ETS1: variants seen among roughly 807,000 people sequenced by gnomAD.
ETS1 encodes the protein protein C-ets-1.
In ETS1, 15 loss-of-function variants were observed where a neutral mutation model predicts 58.6. The ratio of observed to expected loss-of-function variants is 0.26; its 90% CI spans 0.17 to 0.39. The LOEUF (loss-of-function observed/expected upper bound fraction) is 0.39. Ranked by LOEUF, ETS1 falls within the 10% of genes least tolerant of loss-of-function variation. The probability of loss-of-function intolerance (pLI) is 1.00; values close to 1 mark genes in which losing one functional copy is unlikely to be tolerated. For missense variants in ETS1, 417 were observed against 610.5 expected, an observed-to-expected ratio of 0.68 and a Z score of 3.34; for synonymous variants, 214 against 218.2, an observed-to-expected ratio of 0.98 and a Z score of 0.17.
intron 3 of ETS1, among the ~76,000 whole-genome samples, chr11:128,535,961 G>A (rs1863966980): frequency 6.6e-6 from 1 of 152,134 alleles, no homozygotes; most frequent in South Asian, 2.1e-4. Flanking sequence ...CTTTGTTCTG[G>A]CAAGGTTCCT....
intron 2 of ETS1, among the ~76,000 whole-genome samples, chr11:128,570,238 CTTTT>C (rs200310590): frequency 7.4e-6 from 1 of 135,484 alleles, no homozygotes; most frequent in African/African-American, 2.7e-5. Context: ...TTTTCTTTTC[CTTTT>C]TTTTTTTTTT....
At position 128,569,535 on chromosome 11, in the gene ETS1, G is replaced by A. The variant is rs7948488; in HGVS notation, c.69+3527C>T. On this transcript the variant is annotated intron_variant, in intron 2 of 9. Coordinates refer to ENST00000392668, the MANE Select transcript of ETS1 (RefSeq NM_001143820.2). ...ATGCTTACCCCTCCAGGGTATCTTA[G>A]ATTGCAACTGAATGTGAGGTTTGTT... Among the ~76,000 whole-genome samples the A allele has an allele frequency of 4.5e-3, 687 of 151,780 alleles. 7 individuals carry two copies. Among genetic ancestry groups the A allele is most frequent in the African/African-American group, 0.015 (622 of 41,320 alleles).
intron 8 of ETS1, among the ~76,000 whole-genome samples, chr11:128,473,601 A>G (rs1259339386): frequency 6.6e-6 from 1 of 152,100 alleles, no homozygotes. Context: ...GCATGGGATG[A>G]CCACTCTTTC....
At chr11:128,546,769 C>T (rs1396575536) in intron 3 of ETS1, among the ~76,000 whole-genome samples, 2 of 152,158 alleles carry the variant, frequency 1.3e-5, no homozygotes, top group Admixed American at 6.5e-5. Flanking sequence ...TGAATTTCTG[C>T]ACCCCTATCC....
intron 8 of ETS1, among the ~76,000 whole-genome samples, chr11:128,467,914 C>T (rs963480695): frequency 6.6e-6 from 1 of 152,130 alleles, no homozygotes; most frequent in Non-Finnish European, 1.5e-5. Flanking sequence ...ACCCATCTCC[C>T]ATGGCACGGA....
At chr11:128,553,974 A>G (rs1283228949) in intron 3 of ETS1, among the ~76,000 whole-genome samples, 5 of 152,148 alleles carry the variant, frequency 3.3e-5, no homozygotes, top group African/African-American at 1.2e-4. Flanking sequence ...CTCTTTCTTT[A>G]TATTCAACAC....
chr11:128,480,544 G>C, intron 7 of ETS1, 93 bp from the exon 8 acceptor site: 1 of 840,056 alleles, frequency 1.2e-6, no homozygotes, highest in Non-Finnish European at 1.9e-6. Flanking sequence ...AGGACAGATT[G>C]CTAATCAGAT....
At chr11:128,510,038 C>A (rs1158404754) in intron 3 of ETS1, among the ~76,000 whole-genome samples, 1 of 152,170 alleles carries the variant, frequency 6.6e-6, no homozygotes, top group Non-Finnish European at 1.5e-5. Context: ...AGCAAGCATC[C>A]AGCAGTTTTG....
intron 3 of ETS1, among the ~76,000 whole-genome samples, chr11:128,513,697 C>T (rs931970881): frequency 3.9e-5 from 6 of 152,272 alleles, no homozygotes; most frequent in Admixed American, 2.0e-4. Flanking sequence ...GTACAAAAGT[C>T]GGTTACATGG....
At chr11:128,495,629 AG>A (rs1008022687) in intron 3 of ETS1, among the ~76,000 whole-genome samples, 6 of 152,248 alleles carry the variant, frequency 3.9e-5, no homozygotes, top group Admixed American at 6.5e-5. Context: ...TATTTTTTAA[AG>A]TAAAAGTAAA....
intron 2 of ETS1, among the ~76,000 whole-genome samples, chr11:128,568,152 C>T (rs535169437): frequency 6.6e-6 from 1 of 152,144 alleles, no homozygotes; most frequent in Admixed American, 6.5e-5. Context: ...GGTGAGTGGG[C>T]AGTTCCTTTC....
intron 2 of ETS1, among the ~76,000 whole-genome samples, chr11:128,557,052 T>C (rs577244446): frequency 3.3e-5 from 5 of 152,330 alleles, no homozygotes; most frequent in African/African-American, 9.6e-5. Context: ...TAGTACTCTC[T>C]AAGGAAGACA....
At chr11:128,462,670 A>C in intron 9 of ETS1, 94 bp from the exon 10 acceptor site, 2 of 856,958 alleles carry the variant, frequency 2.3e-6, no homozygotes, top group Non-Finnish European at 3.8e-6. Context: ...ATACCCATTC[A>C]TGGTGACCCA....
chr11:128,575,536 T>G (rs1270995719), intron 1 of ETS1, among the ~76,000 whole-genome samples: 1 of 152,248 alleles, frequency 6.6e-6, no homozygotes, highest in Non-Finnish European at 1.5e-5. Context: ...CCTGGGCACT[T>G]GAAACACACC....
At chr11:128,492,705 A>G (rs1024626586) in intron 3 of ETS1, among the ~76,000 whole-genome samples, 1 of 152,144 alleles carries the variant, frequency 6.6e-6, no homozygotes, top group Non-Finnish European at 1.5e-5. Flanking sequence ...TAAGAAACAC[A>G]TGGCTGCTCC....
At chr11:128,570,659 G>T (rs970727588) in intron 2 of ETS1, among the ~76,000 whole-genome samples, 2 of 152,112 alleles carry the variant, frequency 1.3e-5, no homozygotes, top group African/African-American at 4.8e-5. Context: ...GACACATTTT[G>T]CTCTGAAATC....
chr11:128,490,649 G>T (rs749134327), intron 3 of ETS1, 73 bp from the exon 4 acceptor site: 8 of 1,265,162 alleles, frequency 6.3e-6, no homozygotes, highest in Non-Finnish European at 9.1e-6. Context: ...ATTACAAATG[G>T]GCTGTAAGAA....
At chr11:128,535,930 T>C (rs1215468841) in intron 3 of ETS1, among the ~76,000 whole-genome samples, 2 of 152,208 alleles carry the variant, frequency 1.3e-5, no homozygotes, top group Admixed American at 6.5e-5. Flanking sequence ...CAAGCAAACA[T>C]TGTCATTCAT....
intron 3 of ETS1, among the ~76,000 whole-genome samples, chr11:128,508,711 C>T (rs915978417): frequency 6.6e-6 from 1 of 152,092 alleles, no homozygotes. Flanking sequence ...ATATAAGAAC[C>T]AAGAACCAAT....
Sources: allele counts gnomAD v4.1 joint callset (sites outside exome capture counted in the v4.1 genomes callset), GRCh38; gene constraint gnomAD v4.1.1; transcripts MANE v1.5; gene names NCBI Gene and HGNC (gene_info 2026-07-23, HGNC 2026-07-21).